RNFT2: variants seen among roughly 807,000 people sequenced by gnomAD.
The protein encoded by RNFT2 is ring finger protein, transmembrane 2, also known as E3 ubiquitin-protein ligase RNFT2.
In RNFT2, 36 loss-of-function variants were observed where a neutral mutation model predicts 53.0. The ratio of observed to expected loss-of-function variants is 0.68; its 90% CI spans 0.52 to 0.90. The LOEUF is 0.90. Ranked by LOEUF, RNFT2 falls within the 40% of genes least tolerant of loss-of-function variation. RNFT2 has a pLI of 0.00. For synonymous variants in RNFT2, 260 were observed against 253.2 expected, an observed-to-expected ratio of 1.03 and a Z score of -0.26; for missense variants, 514 against 585.6, an observed-to-expected ratio of 0.88 and a Z score of 1.26.
rs1180644271 is a variant in RNFT2, at chr12:116,849,591, C to G, written c.*143C>G. ...CCACCTCTGACCCCAAAGTCCCGCC[C>G]CTGTCTTGTCCTTCTGACCTTCATC... On this transcript the variant is annotated 3_prime_UTR_variant, in exon 11 of 11. Coordinates refer to ENST00000257575, the MANE Select transcript of RNFT2 (RefSeq NM_001382266.1). The G allele has an allele frequency of 7.1e-7, 1 of 1,410,472 alleles. No homozygotes were observed. The highest frequency in any genetic ancestry group is 1.6e-5 in the South Asian group (1 of 63,474). The allele number at this position is 1,410,472 out of a possible 1,614,324, so 87.4% of individuals were successfully genotyped here.
chr12:116,772,540 C>T (rs868170926), intron 6 of RNFT2, among the ~76,000 whole-genome samples: 2 of 151,406 alleles, frequency 1.3e-5, no homozygotes, highest in Non-Finnish European at 2.9e-5. Context: ...CTCCTGACCT[C>T]GTGATCCACC....
Position 116,849,601 on chromosome 12 carries a change from CCTT to C in RNFT2, c.*156_*158del. ...CCCCAAAGTCCCGCCCCTGTCTTGT[CCTT>C]CTGACCTTCATCTTCCTCTCTCGTT... On this transcript the variant is annotated 3_prime_UTR_variant, in exon 11 of 11. Transcript: ENST00000257575. 10 of 1,400,402 alleles carry C rather than the reference CCTT, an allele frequency of 7.1e-6. No homozygotes were observed. The highest frequency in any genetic ancestry group is 9.3e-6 in the Non-Finnish European group (10 of 1,075,750). 86.7% of individuals were successfully genotyped at this position (1,400,402 alleles called of 1,614,324 possible).
intron 6 of RNFT2, among the ~76,000 whole-genome samples, chr12:116,770,495 T>C (rs1284672384): frequency 6.6e-6 from 1 of 152,194 alleles, no homozygotes; most frequent in Non-Finnish European, 1.5e-5. Flanking sequence ...ATTTGATTTT[T>C]CCCCCATCTG....
intron 7 of RNFT2, among the ~76,000 whole-genome samples, chr12:116,829,324 C>T (rs1038115722): frequency 3.9e-5 from 6 of 152,148 alleles, no homozygotes; most frequent in Non-Finnish European, 1.5e-5. Context: ...CCCCCTACAT[C>T]TCTGTACTCC....
At chr12:116,790,479 CT>C (rs2137133517) in intron 7 of RNFT2, among the ~76,000 whole-genome samples, 1 of 152,316 alleles carries the variant, frequency 6.6e-6, no homozygotes, top group African/African-American at 2.4e-5. Context: ...AGTTAAATAA[CT>C]TGCAAAAGAG....
At chr12:116,751,183 TG>T (rs1417892645) in intron 4 of RNFT2, among the ~76,000 whole-genome samples, 1 of 151,732 alleles carries the variant, frequency 6.6e-6, no homozygotes, top group Non-Finnish European at 1.5e-5. Flanking sequence ...CCCAAAGTGC[TG>T]GGATTACAGG....
chr12:116,810,745 G>A (rs1276750390), intron 7 of RNFT2, among the ~76,000 whole-genome samples: 1 of 152,190 alleles, frequency 6.6e-6, no homozygotes, highest in East Asian at 1.9e-4. Flanking sequence ...GGCCTTGGAG[G>A]TGTCTACTTT....
chr12:116,806,808 T>C (rs1875106496), intron 7 of RNFT2, among the ~76,000 whole-genome samples: 1 of 152,074 alleles, frequency 6.6e-6, no homozygotes, highest in African/African-American at 2.4e-5. Flanking sequence ...TCCTTTCATC[T>C]GTTGCTATGA....
At chr12:116,762,728 C>T (rs1232601269) in intron 5 of RNFT2, among the ~76,000 whole-genome samples, 1 of 152,054 alleles carries the variant, frequency 6.6e-6, no homozygotes, top group Non-Finnish European at 1.5e-5. Flanking sequence ...TCTCCTGCCT[C>T]AGCCTCCTGA....
chr12:116,786,061 C>T (rs1247357587), intron 7 of RNFT2, among the ~76,000 whole-genome samples: 1 of 151,628 alleles, frequency 6.6e-6, no homozygotes, highest in Non-Finnish European at 1.5e-5. Context: ...ATTCTTCTGA[C>T]ATAGGTGCTG....
At chr12:116,741,248 CTCTT>C (rs1871596538) in intron 3 of RNFT2, among the ~76,000 whole-genome samples, 154 bp downstream of exon 3, 1 of 152,332 alleles carries the variant, frequency 6.6e-6, no homozygotes, top group South Asian at 2.1e-4. Context: ...TAATAGCTTG[CTCTT>C]TCTTTTATGC....
intron 7 of RNFT2, among the ~76,000 whole-genome samples, chr12:116,797,007 CA>C (rs1159355843): frequency 1.3e-5 from 2 of 152,144 alleles, no homozygotes; most frequent in Non-Finnish European, 2.9e-5. Flanking sequence ...GGACAGAGAC[CA>C]GGGGTGCTGC....
chr12:116,793,210 C>A (rs1406457634), intron 7 of RNFT2, among the ~76,000 whole-genome samples: 1 of 120,792 alleles, frequency 8.3e-6, no homozygotes, highest in Admixed American at 9.4e-5. Context: ...ATCCAGATAG[C>A]TTTTTTTTTT....
At chr12:116,814,784 T>A (rs1049524163) in intron 7 of RNFT2, among the ~76,000 whole-genome samples, 23 of 152,104 alleles carry the variant, frequency 1.5e-4, no homozygotes, top group Non-Finnish European at 2.9e-4. Flanking sequence ...GTTCAAGTGA[T>A]TCTCATGCTT....
intron 7 of RNFT2, among the ~76,000 whole-genome samples, chr12:116,812,566 A>T (rs529649486): frequency 8.8e-4 from 127 of 144,798 alleles, no homozygotes; most frequent in Non-Finnish European, 1.0e-3. Flanking sequence ...ACAGGGTCTC[A>T]CTCTGTCACC....
chr12:116,843,034 T>A (rs910023838), intron 10 of RNFT2, among the ~76,000 whole-genome samples: 3 of 152,140 alleles, frequency 2.0e-5, no homozygotes, highest in Non-Finnish European at 2.9e-5. Flanking sequence ...CAAAGCCTCT[T>A]CTCTCACATT....
chr12:116,834,850 C>CTTT (rs140178133), intron 8 of RNFT2, among the ~76,000 whole-genome samples: 1 of 136,654 alleles, frequency 7.3e-6, no homozygotes, highest in Admixed American at 7.4e-5. Context: ...ATTATTACTC[C>CTTT]TTTTTTTTTT....
In RNFT2 at chr12:116,740,327, G is replaced by T. The variant is rs1187539212; in HGVS notation, c.-153-18G>T. 1.6e-6 allele frequency: 1 copy of T among 618,406 alleles called. No homozygotes were observed. Among genetic ancestry groups the T allele is most frequent in the Non-Finnish European group, 2.9e-6 (1 of 342,484 alleles). 38.3% of individuals were successfully genotyped at this position (618,406 alleles called of 1,614,324 possible). A position where few individuals can be genotyped will look rare whatever the true frequency, so the allele number is the denominator to read the frequency against. On this transcript the variant is annotated intron_variant, in intron 1 of 10. Coordinates refer to ENST00000257575, the MANE Select transcript of RNFT2 (RefSeq NM_001382266.1). ...GGTATCGCAGGGACTGTTCATCCAG[G>T]TGTTCTGTTCCATCCAGGTTTGGAG...
intron 7 of RNFT2, among the ~76,000 whole-genome samples, chr12:116,787,827 G>T (rs1004595054): frequency 6.6e-6 from 1 of 152,094 alleles, no homozygotes; most frequent in Non-Finnish European, 1.5e-5. Flanking sequence ...CCACCTCCCT[G>T]TCTGGCATCT....
Sources: allele counts gnomAD v4.1 joint callset (sites outside exome capture counted in the v4.1 genomes callset), GRCh38; gene constraint gnomAD v4.1.1; transcripts MANE v1.5; gene names NCBI Gene and HGNC (gene_info 2026-07-23, HGNC 2026-07-21).